Variants in GTF2B observed in about 807,000 individuals in gnomAD.
GTF2B encodes the protein transcription initiation factor IIB.
In GTF2B, 20 loss-of-function variants were observed where a neutral mutation model predicts 34.6. The observed-to-expected ratio is 0.58, with a 90% confidence interval of 0.41 to 0.84. The LOEUF (loss-of-function observed/expected upper bound fraction) is 0.84, where lower values mean the gene tolerates loss of function less well. GTF2B is among the 40% of genes least tolerant of loss of function. The probability of loss-of-function intolerance (pLI) is 0.00; values close to 1 mark genes in which losing one functional copy is unlikely to be tolerated. For missense variants in GTF2B, 237 were observed against 393.3 expected (o/e 0.60, Z 3.36); for synonymous variants, 142 against 132.4 (o/e 1.07, Z -0.50).
Position 88,852,922 on chromosome 1 carries a change from TAACA to T in GTF2B, c.*287_*290del, listed in dbSNP as rs1673223763. On this transcript the variant is annotated 3_prime_UTR_variant, in exon 7 of 7. Coordinates refer to ENST00000370500, the MANE Select transcript of GTF2B (RefSeq NM_001514.6). ...TGTATCATAAGTTACATGTAACATA[TAACA>T]AAAACTTGAGTTTTGAAAAATGTTT... The T allele has an allele frequency of 6.1e-6, 2 of 327,494 alleles. No individual in the cohort carries two copies. Among genetic ancestry groups the T allele is most frequent in the Non-Finnish European group, 1.1e-5 (2 of 175,498 alleles). The allele number at this position is 327,494 out of a possible 1,614,324, so 20.3% of individuals were successfully genotyped here.
chr1:88,852,843 GAAAT>G lies in GTF2B; in HGVS notation c.*366_*369del. ...AAAAACTATGTATATATAAGTAATG[GAAAT>G]AAAGTCTATCAGCTTTATTAGCTGC... On this transcript the variant is annotated 3_prime_UTR_variant, in exon 7 of 7. Transcript: ENST00000370500. 5.5e-6 allele frequency: 1 copy of G among 181,350 alleles called. No homozygotes were observed. Among genetic ancestry groups the G allele is most frequent in the Non-Finnish European group, 1.1e-5 (1 of 91,004 alleles). The allele number at this position is 181,350 out of a possible 1,614,324, so 11.2% of individuals were successfully genotyped here. A position where few individuals can be genotyped will look rare whatever the true frequency, so the allele number is the denominator to read the frequency against.
In GTF2B at chr1:88,859,831, A is replaced by G. The variant is rs752430370; in HGVS notation, c.535+51T>C. 3 of 1,546,280 alleles carry G rather than the reference A, an allele frequency of 1.9e-6. No homozygotes were observed. In the Admixed American group the frequency reaches 5.1e-5, roughly 26 times the overall value. On this transcript the variant is annotated intron_variant, in intron 5 of 6. Coordinates refer to ENST00000370500, the MANE Select transcript of GTF2B (RefSeq NM_001514.6). ...GGCCTGGGCGACAAAGTGAGACCCT[A>G]TCTCAAACAAACAAACAAACAAACA...
chr1:88,870,852 T>C (rs1051364644), intron 2 of GTF2B, among the ~76,000 whole-genome samples: 4 of 151,878 alleles, frequency 2.6e-5, no homozygotes, highest in Non-Finnish European at 4.4e-5. Context: ...TTGAGTTTAT[T>C]AAATGTCTGT....
intron 3 of GTF2B, among the ~76,000 whole-genome samples, chr1:88,863,215 A>G (rs1375675423): frequency 6.6e-6 from 1 of 152,182 alleles, no homozygotes; most frequent in Non-Finnish European, 1.5e-5. Flanking sequence ...AAAACTCTAT[A>G]AGTACTCTTA....
intron 2 of GTF2B, among the ~76,000 whole-genome samples, chr1:88,881,050 T>C (rs868415837): frequency 3.8e-4 from 56 of 146,996 alleles, no homozygotes; most frequent in Middle Eastern, 3.5e-3. Context: ...GAAGGTACAA[T>C]TGGTCAGACA....
At position 88,857,443 on chromosome 1, in the gene GTF2B, A is replaced by G. The variant is rs745878059; in HGVS notation, c.580T>C (p.Cys194Arg). Residue 194 changes from cysteine (C) to arginine (R), a missense_variant, in exon 6 of 7, where the codon TGT (cysteine) becomes CGT (arginine). Cys to Arg is a radical substitution (Grantham distance 180, BLOSUM62 -3). Transcript: ENST00000370500. ...AGCGCTTTCAAAATAAGTTTAAAAC[A>G]CCGACCAATTTCTTTCTTAGAAATT... ...SRISKKEIGR[C>R]FKLILKALET... 2 of 1,605,358 alleles carry G rather than the reference A, an allele frequency of 1.2e-6. No homozygotes were observed. Among genetic ancestry groups the G allele is most frequent in the Non-Finnish European group, 1.7e-6 (2 of 1,172,582 alleles).
chr1:88,889,716 A>G (rs929901542), intron 1 of GTF2B, among the ~76,000 whole-genome samples: 11 of 152,156 alleles, frequency 7.2e-5, no homozygotes, highest in Non-Finnish European at 1.2e-4. Flanking sequence ...AAACATGCAA[A>G]AGGTAGAAAT....
chr1:88,853,123 C>T lies in GTF2B; in HGVS notation c.*90G>A, dbSNP rs560854163. The T allele has an allele frequency of 1.5e-5, 18 of 1,194,828 alleles. No individual in the cohort carries two copies. The East Asian group carries it at 4.0e-4, about 26-fold the overall frequency. 74.0% of individuals were successfully genotyped at this position (1,194,828 alleles called of 1,614,324 possible). A position where few individuals can be genotyped will look rare whatever the true frequency, so the allele number is the denominator to read the frequency against. ...AATGCGTACCATGTCTTTTGTTTTT[C>T]CTCATGAAAGGCTCAACCCAGCATT... On this transcript the variant is annotated 3_prime_UTR_variant, in exon 7 of 7. Transcript: ENST00000370500.
In GTF2B at chr1:88,859,889, T is replaced by C; in HGVS notation, c.528A>G (p.Thr176=). The C allele has an allele frequency of 6.2e-7, 1 of 1,611,436 alleles. No individual in the cohort carries two copies. Among genetic ancestry groups the C allele is most frequent in the East Asian group, 2.2e-5 (1 of 44,842 alleles). The change falls in exon 5 of 7, where the codon ACA becomes ACG. Residue 176 remains threonine (T), a synonymous_variant. Coordinates refer to ENST00000370500, the MANE Select transcript of GTF2B (RefSeq NM_001514.6). ...IACRQEGVPR[T]FKEICAVSRI... ...ACAAAGCTAAAAACTTACCTTTAAA[T>C]GTCCTAGGAACCCCTTCTTGTCTAC...
chr1:88,862,285 G>C (rs1673455676), intron 3 of GTF2B, among the ~76,000 whole-genome samples: 1 of 152,176 alleles, frequency 6.6e-6, no homozygotes, highest in South Asian at 2.1e-4. Flanking sequence ...GATCACACCT[G>C]TAATTCCAGC....
At chr1:88,862,906 A>T (rs976974150) in intron 3 of GTF2B, among the ~76,000 whole-genome samples, 1 of 151,536 alleles carries the variant, frequency 6.6e-6, no homozygotes, top group Non-Finnish European at 1.5e-5. Context: ...AAGTGCTGGG[A>T]TTACAGGCAT....
In GTF2B at chr1:88,853,023, T is replaced by C; in HGVS notation, c.*190A>G. The C allele has an allele frequency of 2.0e-6, 1 of 507,460 alleles. No individual in the cohort carries two copies. Among genetic ancestry groups the C allele is most frequent in the Non-Finnish European group, 3.5e-6 (1 of 287,322 alleles). The allele number at this position is 507,460 out of a possible 1,614,324, so 31.4% of individuals were successfully genotyped here. A position where few individuals can be genotyped will look rare whatever the true frequency, so the allele number is the denominator to read the frequency against. On this transcript the variant is annotated 3_prime_UTR_variant, in exon 7 of 7. Transcript: ENST00000370500. ...CTAGATTGCTACAAAAGAAATTTGA[T>C]AAGAAATTTAAATCATTAAATATGT...
At chr1:88,875,390 G>A (rs1274428941) in intron 2 of GTF2B, among the ~76,000 whole-genome samples, 2 of 152,182 alleles carry the variant, frequency 1.3e-5, no homozygotes, top group Non-Finnish European at 2.9e-5. Flanking sequence ...AAAATAGTGA[G>A]GAAAATACAT....
rs11546873 is a variant in GTF2B, at chr1:88,887,345, T to C, written c.40A>G (p.Thr14Ala). The stretch of plus-strand genomic sequence containing the variant: ...ATCGCATCTGGATGGTTTGGACATG[T>C]GACTCTTGGAAGAGCATCCAAACTA... ...TSRLDALPRV[T>A]CPNHPDAILV... Residue 14 changes from threonine to alanine, a missense_variant, in exon 2 of 7, where the codon ACA becomes GCA. Coordinates refer to ENST00000370500, the MANE Select transcript of GTF2B (RefSeq NM_001514.6). 6.2e-7 allele frequency: 1 copy of C among 1,609,238 alleles called. No individual in the cohort carries two copies. The highest frequency in any genetic ancestry group is 2.2e-5 in the East Asian group (1 of 44,862).
intron 3 of GTF2B, among the ~76,000 whole-genome samples, chr1:88,862,791 T>C (rs372493968): frequency 8.6e-4 from 130 of 152,028 alleles, no homozygotes; most frequent in African/African-American, 2.9e-3. Context: ...GTGCCCACCA[T>C]CATATCATGC....
intron 2 of GTF2B, among the ~76,000 whole-genome samples, chr1:88,876,622 G>A (rs906019088): frequency 9.2e-5 from 14 of 152,144 alleles, no homozygotes; most frequent in African/African-American, 2.4e-4. Flanking sequence ...TCAAGGTTGC[G>A]GTGAGCCATA....
intron 6 of GTF2B, among the ~76,000 whole-genome samples, chr1:88,853,887 T>C (rs530103864): frequency 6.6e-6 from 1 of 152,160 alleles, no homozygotes; most frequent in Non-Finnish European, 1.5e-5. Flanking sequence ...AAAAAAAAAG[T>C]GGGAGCTAAA....
chr1:88,879,727 C>T (rs1280492832), intron 2 of GTF2B, among the ~76,000 whole-genome samples: 1 of 151,952 alleles, frequency 6.6e-6, no homozygotes, highest in Non-Finnish European at 1.5e-5. Context: ...ATGGGTTGTC[C>T]TAATTTTCAA....
chr1:88,869,562 A>G (rs1011881617), intron 2 of GTF2B, among the ~76,000 whole-genome samples: 7 of 152,172 alleles, frequency 4.6e-5, no homozygotes, highest in African/African-American at 1.7e-4. Context: ...AAAATAATCT[A>G]TGAGAACAGA....
Sources: gnomAD v4.1 joint callset for allele counts (sites outside exome capture counted in the v4.1 genomes callset) on GRCh38, gnomAD v4.1.1 for gene constraint, MANE v1.5 for transcripts, NCBI Gene and HGNC (gene_info 2026-07-23, HGNC 2026-07-21) for gene names.